The following PPP6R3 variants were observed in gnomAD, a reference collection of about 807,000 sequenced individuals.
PPP6R3 encodes the protein protein phosphatase 6 regulatory subunit 3, also known as serine/threonine-protein phosphatase 6 regulatory subunit 3.
In PPP6R3, 38 loss-of-function variants were observed where a neutral mutation model predicts 110.7. That is an observed-to-expected ratio of 0.34 (90% CI 0.26 to 0.45). PPP6R3 has a LOEUF of 0.45. PPP6R3 is among the 20% of genes least tolerant of loss of function. PPP6R3 has a pLI of 1.00. For missense variants in PPP6R3, 870 were observed against 1,062.4 expected (o/e 0.82, Z 2.52); for synonymous variants, 369 against 373.5 (o/e 0.99, Z 0.14).
intron 22 of PPP6R3, among the ~76,000 whole-genome samples, chr11:68,604,401 A>C (rs958595072): frequency 1.3e-5 from 2 of 152,236 alleles, no homozygotes; most frequent in African/African-American, 4.8e-5. Flanking sequence ...AGGAATAGAA[A>C]GTAAATAGGT....
chr11:68,600,280 AC>A (rs2099627781), intron 19 of PPP6R3, 60 bp from the exon 20 acceptor site: 1 of 1,531,000 alleles, frequency 6.5e-7, no homozygotes, highest in South Asian at 1.1e-5. Flanking sequence ...TTTGATAAAT[AC>A]CTTGTGGTAC....
At chr11:68,546,727 G>A (rs189326452) in intron 4 of PPP6R3, among the ~76,000 whole-genome samples, 185 of 152,256 alleles carry the variant, frequency 1.2e-3, no homozygotes, top group African/African-American at 4.2e-3. Flanking sequence ...CGGATGGTGG[G>A]GCATCTTCAG....
In PPP6R3 at chr11:68,596,588, C is replaced by T. The variant is rs528758224; in HGVS notation, c.2038+370C>T. ...AGGACATGGTTGTGTTGTGTGGCTT[C>T]GTGAGTGGAATCAGCCAGGGGACGC... On this transcript the variant is annotated intron_variant, in intron 19 of 23. Transcript: ENST00000393800. Among the ~76,000 whole-genome samples the T allele has an allele frequency of 1.7e-4, 26 of 152,268 alleles. No homozygotes were observed. In the South Asian group the frequency reaches 3.3e-3, roughly 19 times the overall value.
intron 18 of PPP6R3, among the ~76,000 whole-genome samples, chr11:68,595,884 C>T (rs1301318826): frequency 1.3e-5 from 2 of 152,166 alleles, no homozygotes; most frequent in African/African-American, 4.8e-5. Flanking sequence ...AAGCAGAGCC[C>T]ATGTGTTCCT....
Position 68,615,294 on chromosome 11 carries a change from CAAAATAACA to C in PPP6R3, c.*2185_*2193del. 2.8e-6 allele frequency: 1 copy of C among 352,830 alleles called. No individual in the cohort carries two copies. The highest frequency in any genetic ancestry group is 5.6e-6 in the Non-Finnish European group (1 of 178,596). The allele number at this position is 352,830 out of a possible 1,614,324, so 21.9% of individuals were successfully genotyped here. A position where few individuals can be genotyped will look rare whatever the true frequency, so the allele number is the denominator to read the frequency against. On this transcript the variant is annotated 3_prime_UTR_variant, in exon 24 of 24. Transcript: ENST00000393800. ...ATGTCTACAATACAATACCTGTATT[CAAAATAACA>C]AAAATAAAGCCTGATTCTTTGTTTC...
intron 14 of PPP6R3, among the ~76,000 whole-genome samples, chr11:68,579,262 C>G (rs1468823776): frequency 3.3e-5 from 5 of 152,212 alleles, no homozygotes; most frequent in Non-Finnish European, 5.9e-5. Context: ...TCACTTGTCA[C>G]TAATACGGGC....
At chr11:68,592,142 T>G (rs1407368133) in intron 18 of PPP6R3, among the ~76,000 whole-genome samples, 1 of 152,002 alleles carries the variant, frequency 6.6e-6, no homozygotes, top group East Asian at 1.9e-4. Context: ...TATATCTGGG[T>G]CAATCCAGTC....
At chr11:68,502,550 A>G (rs1382123598) in intron 1 of PPP6R3, among the ~76,000 whole-genome samples, 1 of 152,170 alleles carries the variant, frequency 6.6e-6, no homozygotes, top group Non-Finnish European at 1.5e-5. Flanking sequence ...AGGGTATCTT[A>G]AAAGATCTTT....
At chr11:68,527,646 T>C (rs1156743652) in intron 2 of PPP6R3, among the ~76,000 whole-genome samples, 1 of 152,182 alleles carries the variant, frequency 6.6e-6, no homozygotes. Context: ...TTAAAATACT[T>C]TGTTGAATCT....
At chr11:68,491,050 G>C (rs1261459066) in intron 1 of PPP6R3, among the ~76,000 whole-genome samples, 1 of 152,050 alleles carries the variant, frequency 6.6e-6, no homozygotes, top group East Asian at 1.9e-4. Flanking sequence ...GCTGGGCGTG[G>C]TGGCACACAC....
intron 1 of PPP6R3, among the ~76,000 whole-genome samples, chr11:68,502,665 G>A (rs1161276375): frequency 6.6e-6 from 1 of 152,196 alleles, no homozygotes; most frequent in Non-Finnish European, 1.5e-5. Context: ...GAATTGGATT[G>A]GAAGGGAAAA....
Position 68,613,696 on chromosome 11 carries a change from T to C in PPP6R3, c.*579T>C. 5.1e-6 allele frequency: 5 copies of C among 983,458 alleles called. No homozygotes were observed. The highest frequency in any genetic ancestry group is 4.8e-6 in the Non-Finnish European group (4 of 827,744). 60.9% of individuals were successfully genotyped at this position (983,458 alleles called of 1,614,324 possible). A position where few individuals can be genotyped will look rare whatever the true frequency, so the allele number is the denominator to read the frequency against. On this transcript the variant is annotated 3_prime_UTR_variant, in exon 24 of 24. Coordinates refer to ENST00000393800, the MANE Select transcript of PPP6R3 (RefSeq NM_001164161.2). ...TTTATAACCAGTTTTTGATTGGTAA[T>C]TGTTTTCTGTATTGTTTAAAACGGA...
chr11:68,603,671 C>T, intron 22 of PPP6R3, 179 bp downstream of exon 22: 2 of 722,560 alleles, frequency 2.8e-6, no homozygotes, highest in Non-Finnish European at 4.4e-6. Flanking sequence ...GAGTTTAGGC[C>T]CCTAAGTGCC....
intron 1 of PPP6R3, among the ~76,000 whole-genome samples, chr11:68,467,190 A>G (rs2098754474): frequency 6.6e-6 from 1 of 152,250 alleles, no homozygotes; most frequent in Non-Finnish European, 1.5e-5. Context: ...AACTTATGCA[A>G]TTAAAGTTCG....
At chr11:68,590,770 G>A in intron 17 of PPP6R3, 56 bp downstream of exon 17, 5 of 1,482,608 alleles carry the variant, frequency 3.4e-6, no homozygotes, top group Non-Finnish European at 4.6e-6. Context: ...AAAATTGGGT[G>A]AGTCCCTGTG....
intron 10 of PPP6R3, among the ~76,000 whole-genome samples, chr11:68,567,719 G>T (rs1390120180): frequency 6.6e-6 from 1 of 152,158 alleles, no homozygotes; most frequent in Admixed American, 6.5e-5. Context: ...CAGCTCTGGA[G>T]CCCATGCTTC....
chr11:68,588,786 A>G (rs182931633), intron 16 of PPP6R3, among the ~76,000 whole-genome samples: 4 of 151,940 alleles, frequency 2.6e-5, no homozygotes, highest in African/African-American at 9.7e-5. Context: ...CACTGCAAGG[A>G]AAGAAGCATT....
chr11:68,574,015 TA>T, intron 12 of PPP6R3, 93 bp from the exon 13 acceptor site: 1 of 876,642 alleles, frequency 1.1e-6, no homozygotes, highest in Non-Finnish European at 1.9e-6. Flanking sequence ...CTTCAGGGTT[TA>T]AAATGATTGT....
intron 2 of PPP6R3, among the ~76,000 whole-genome samples, chr11:68,534,304 C>T (rs2099258018): frequency 6.6e-6 from 1 of 152,146 alleles, no homozygotes; most frequent in South Asian, 2.1e-4. Context: ...TGCAAAAGAC[C>T]AAGTAGTAAA....
Sources: allele counts gnomAD v4.1 joint callset (sites outside exome capture counted in the v4.1 genomes callset), GRCh38; gene constraint gnomAD v4.1.1; transcripts MANE v1.5; gene names NCBI Gene and HGNC (gene_info 2026-07-23, HGNC 2026-07-21).